IFT81: variants seen among roughly 807,000 people sequenced by gnomAD.
IFT81 encodes intraflagellar transport protein 81 homolog.
IFT81 carries 72 observed loss-of-function variants against 102.6 expected under a neutral mutation model. The ratio of observed to expected loss-of-function variants is 0.70; its 90% CI spans 0.58 to 0.85. The LOEUF (loss-of-function observed/expected upper bound fraction) is 0.85. IFT81 is among the 40% of genes least tolerant of loss of function. The pLI is 0.00. For missense variants in IFT81, 723 were observed against 787.3 expected (o/e 0.92, Z 0.98); for synonymous variants, 237 against 242.7 (o/e 0.98, Z 0.22).
intron 12 of IFT81, among the ~76,000 whole-genome samples, chr12:110,183,358 G>T (rs909395459): frequency 1.3e-5 from 2 of 152,186 alleles, no homozygotes; most frequent in African/African-American, 4.8e-5. Flanking sequence ...TAGGGGGTTG[G>T]TTTCCTCAAG....
chr12:110,214,544 C>G (rs1027803298), intron 18 of IFT81, among the ~76,000 whole-genome samples: 1 of 152,156 alleles, frequency 6.6e-6, no homozygotes, highest in Non-Finnish European at 1.5e-5. Flanking sequence ...ATACCACCAT[C>G]TCCTCCTTTA....
intron 14 of IFT81, among the ~76,000 whole-genome samples, chr12:110,203,094 C>T (rs1267445278): frequency 6.6e-6 from 1 of 151,944 alleles, no homozygotes; most frequent in Non-Finnish European, 1.5e-5. Flanking sequence ...AGTGAAACCC[C>T]ATCTCTACTA....
rs116919854 is a variant in IFT81 at position 110,153,130 on chromosome 12, A to T, written c.1041+6082A>T. 5.0e-4 allele frequency among the ~76,000 whole-genome samples: 76 copies of T among 152,342 alleles called. 1 individual carries two copies. In the East Asian group the frequency reaches 0.012, roughly 25 times the overall value. On this transcript the variant is annotated intron_variant, in intron 10 of 18. Transcript: ENST00000242591. Reference sequence around the variant, plus strand: ...CCCTATGTTTCCTTCTAACAGTCTTATGCTGTTCCCTAACAGTAATACTGG... The same window carrying T: ...CCCTATGTTTCCTTCTAACAGTCTTTTGCTGTTCCCTAACAGTAATACTGG...
At chr12:110,134,632 T>C (rs1032629707) in intron 5 of IFT81, among the ~76,000 whole-genome samples, 2 of 152,210 alleles carry the variant, frequency 1.3e-5, no homozygotes, top group African/African-American at 4.8e-5. Flanking sequence ...CTTTCCATTA[T>C]AGAAAATTTT....
At chr12:110,144,531 G>A (rs1593294882) in intron 9 of IFT81, among the ~76,000 whole-genome samples, 1 of 151,024 alleles carries the variant, frequency 6.6e-6, no homozygotes, top group Non-Finnish European at 1.5e-5. Context: ...TGTTTTTTGA[G>A]ACGGAGTCTT....
chr12:110,212,470 A>G (rs1869580012), intron 18 of IFT81, among the ~76,000 whole-genome samples: 1 of 151,626 alleles, frequency 6.6e-6, no homozygotes, highest in Admixed American at 6.6e-5. Flanking sequence ...ACTTGAACCC[A>G]GAGGTTGCAG....
chr12:110,208,848 C>T (rs1219013657), intron 17 of IFT81, among the ~76,000 whole-genome samples: 1 of 152,184 alleles, frequency 6.6e-6, no homozygotes, highest in African/African-American at 2.4e-5. Flanking sequence ...CTACAAACCT[C>T]TTCAAAAACA....
Position 110,133,471 on chromosome 12 carries a change from A to C in IFT81, c.519+835A>C, listed in dbSNP as rs1023894154. On this transcript the variant is annotated intron_variant, in intron 5 of 18. Coordinates refer to ENST00000242591, the MANE Select transcript of IFT81 (RefSeq NM_014055.4). ...GATTCTGTCTCCAGAAAAAAAAAAAAAAACAAATTAGCCAGGCATGGTGGT... is the reference window on the plus strand; with the variant it reads ...GATTCTGTCTCCAGAAAAAAAAAAACAAACAAATTAGCCAGGCATGGTGGT... Among the ~76,000 whole-genome samples the C allele has an allele frequency of 5.3e-5, 8 of 151,602 alleles. No homozygotes were observed. The East Asian group carries it at 5.8e-4, about 11-fold the overall frequency.
At chr12:110,139,822 T>A (rs10431382) in intron 8 of IFT81, among the ~76,000 whole-genome samples, 2 of 109,876 alleles carry the variant, frequency 1.8e-5, no homozygotes, top group East Asian at 2.4e-4. Context: ...ATAAAATAAA[T>A]AAAATAAAAT....
At chr12:110,140,512 A>G (rs1894826559) in intron 8 of IFT81, among the ~76,000 whole-genome samples, 1 of 152,194 alleles carries the variant, frequency 6.6e-6, no homozygotes, top group Non-Finnish European at 1.5e-5. Context: ...TTTTAAATAG[A>G]GAAAATATTA....
At position 110,143,485 on chromosome 12, in the gene IFT81, A is replaced by G. The variant is rs1895017887; in HGVS notation, c.885A>G (p.Leu295=). ...ATAAGAAAAAGGAATTACATTTTTT[A>G]CAAAAAGTAGTTTCAGAGCCAGCTA... The part of the protein sequence containing the change: ...LENKKKELHF[L]QKVVSEPAMG... Residue 295 remains leucine, a synonymous_variant, in exon 9 of 19, where the codon TTA becomes TTG. Transcript: ENST00000242591. The G allele has an allele frequency of 6.4e-7, 1 of 1,551,060 alleles. No homozygotes were observed. Among genetic ancestry groups the G allele is most frequent in the Non-Finnish European group, 8.6e-7 (1 of 1,160,138 alleles).
At chr12:110,151,184 C>G (rs1469064635) in intron 10 of IFT81, among the ~76,000 whole-genome samples, 1 of 152,120 alleles carries the variant, frequency 6.6e-6, no homozygotes, top group Non-Finnish European at 1.5e-5. Context: ...TTCCATTTCT[C>G]CCCTAAACCC....
intron 11 of IFT81, among the ~76,000 whole-genome samples, chr12:110,179,773 T>TATATATACACAC (rs774113734): frequency 5.9e-5 from 3 of 50,484 alleles, no homozygotes; most frequent in Non-Finnish European, 8.3e-5. Context: ...TATATATATA[T>TATATATACACAC]ACACACACAC....
At chr12:110,127,795 G>A (rs928776219) in intron 2 of IFT81, among the ~76,000 whole-genome samples, 2 of 152,194 alleles carry the variant, frequency 1.3e-5, no homozygotes, top group African/African-American at 2.4e-5. Flanking sequence ...TGTATTGCAA[G>A]TTAGTTCATG....
Position 110,132,571 on chromosome 12 carries a change from A to C in IFT81, c.454A>C (p.Lys152Gln), listed in dbSNP as rs1894234939. Residue 152 changes from lysine (K) to glutamine (Q), a missense_variant, in exon 5 of 19, where the codon AAA (lysine) becomes CAA (glutamine). Coordinates refer to ENST00000242591, the MANE Select transcript of IFT81 (RefSeq NM_014055.4). ...GTATGAAGAGTTAATGGAAGCCTTT[A>C]AAACTTTGCATAAAGAATATGAGCA... ...KQYEELMEAF[K>Q]TLHKEYEQLK... 6.4e-7 allele frequency: 1 copy of C among 1,558,160 alleles called. No individual in the cohort carries two copies. The highest frequency in any genetic ancestry group is 1.4e-5 in the African/African-American group (1 of 73,230).
At chr12:110,130,552 C>T (rs1566100967) in intron 4 of IFT81, among the ~76,000 whole-genome samples, 1 of 151,846 alleles carries the variant, frequency 6.6e-6, no homozygotes, top group East Asian at 1.9e-4. Context: ...GTATTTTTAG[C>T]AGAGATGGGG....
At chr12:110,207,336 A>G (rs1426089659) in intron 17 of IFT81, among the ~76,000 whole-genome samples, 1 of 152,172 alleles carries the variant, frequency 6.6e-6, no homozygotes, top group Non-Finnish European at 1.5e-5. Context: ...CTGGGATTAC[A>G]GGCATGAGCC....
At chr12:110,212,228 T>C (rs1869542996) in intron 18 of IFT81, among the ~76,000 whole-genome samples, 1 of 142,850 alleles carries the variant, frequency 7.0e-6, no homozygotes, top group African/African-American at 2.7e-5. Flanking sequence ...ATAAAGGTGA[T>C]ATGTTCCTTA....
At chr12:110,144,960 G>A (rs1436398604) in intron 9 of IFT81, among the ~76,000 whole-genome samples, 1 of 149,612 alleles carries the variant, frequency 6.7e-6, no homozygotes, top group African/African-American at 2.5e-5. Context: ...CCACCTTCTG[G>A]GTTCAAGCGA....
Sources: gnomAD v4.1 joint callset for allele counts (sites outside exome capture counted in the v4.1 genomes callset) on GRCh38, gnomAD v4.1.1 for gene constraint, MANE v1.5 for transcripts, NCBI Gene and HGNC (gene_info 2026-07-23, HGNC 2026-07-21) for gene names.